LRRTM4: variants seen among roughly 807,000 people sequenced by gnomAD.
LRRTM4 encodes the protein leucine-rich repeat transmembrane neuronal protein 4.
Under a neutral mutation model 47.6 loss-of-function variants are expected in LRRTM4, and 25 were observed. That is an observed-to-expected ratio of 0.53 (90% CI 0.38 to 0.73). The LOEUF (loss-of-function observed/expected upper bound fraction) is 0.73, where lower values mean the gene tolerates loss of function less well. LRRTM4 is among the 30% of genes least tolerant of loss of function. LRRTM4 has a pLI of 0.00. For missense variants in LRRTM4, 638 were observed against 713.4 expected (o/e 0.89, Z 1.20); for synonymous variants, 311 against 269.5 (o/e 1.15, Z -1.51).
At position 77,421,366 on chromosome 2, in the gene LRRTM4, T is replaced by C. The variant is rs373365302; in HGVS notation, c.1551+96952A>G. Among the ~76,000 whole-genome samples, 22 of 152,270 alleles carry C rather than the reference T, an allele frequency of 1.4e-4. 2 individuals carry two copies. The highest frequency in any genetic ancestry group is 5.8e-4 in the East Asian group (3 of 5,164). On this transcript the variant is annotated intron_variant, in intron 3 of 3. Coordinates refer to ENST00000409884, the MANE Select transcript of LRRTM4 (RefSeq NM_001134745.3). The stretch of plus-strand genomic sequence containing the variant: ...CCAGGGTCATTGGCAATGTCTTAGA[T>C]ACCATTTTAGTTGTCACATCTAGGG...
At chr2:77,256,716 C>G (rs796513549) in intron 3 of LRRTM4, among the ~76,000 whole-genome samples, 1 of 152,138 alleles carries the variant, frequency 6.6e-6, no homozygotes, top group South Asian at 2.1e-4. Context: ...TTATAAATTA[C>G]TCAGTCAAAG....
At chr2:77,005,583 T>G (rs1263934252) in intron 3 of LRRTM4, among the ~76,000 whole-genome samples, 1 of 152,050 alleles carries the variant, frequency 6.6e-6, no homozygotes, top group Non-Finnish European at 1.5e-5. Context: ...CAGTGGGAGG[T>G]AATTGAATCA....
At chr2:76,947,650 T>C (rs372572688) in intron 3 of LRRTM4, among the ~76,000 whole-genome samples, 7 of 151,926 alleles carry the variant, frequency 4.6e-5, no homozygotes, top group South Asian at 2.1e-4. Context: ...TATACACCCA[T>C]GCATACAAGT....
chr2:76,796,125 A>C (rs150153528), intron 3 of LRRTM4, among the ~76,000 whole-genome samples: 2 of 136,270 alleles, frequency 1.5e-5, no homozygotes, highest in African/African-American at 2.7e-5. Context: ...AAAAAACGGC[A>C]CACCACAAGA....
chr2:76,910,841 T>C (rs17040489), intron 3 of LRRTM4, among the ~76,000 whole-genome samples: 8,827 of 152,294 alleles, frequency 0.058, 602 homozygotes, highest in African/African-American at 0.15. Flanking sequence ...ATTATGTCAT[T>C]AGAGCCTATC....
intron 3 of LRRTM4, among the ~76,000 whole-genome samples, chr2:76,918,039 G>T (rs1674313005): frequency 6.6e-6 from 1 of 152,170 alleles, no homozygotes; most frequent in Non-Finnish European, 1.5e-5. Context: ...AGGGAAAAGG[G>T]CTGAAGACAC....
chr2:76,987,885 CA>C (rs1292361271), intron 3 of LRRTM4, among the ~76,000 whole-genome samples: 1 of 151,316 alleles, frequency 6.6e-6, no homozygotes, highest in African/African-American at 2.4e-5. Flanking sequence ...CCCATATGCC[CA>C]AAAAAGAAAA....
At chr2:77,025,554 T>A (rs1362298097) in intron 3 of LRRTM4, among the ~76,000 whole-genome samples, 6 of 152,174 alleles carry the variant, frequency 3.9e-5, no homozygotes, top group Non-Finnish European at 8.8e-5. Context: ...TGATCTGTGT[T>A]CCTTCCCTTT....
At chr2:76,991,862 T>A (rs1399400177) in intron 3 of LRRTM4, among the ~76,000 whole-genome samples, 1 of 151,732 alleles carries the variant, frequency 6.6e-6, no homozygotes, top group East Asian at 1.9e-4. Flanking sequence ...ATATCCCTGA[T>A]GAACATAGAT....
intron 3 of LRRTM4, among the ~76,000 whole-genome samples, chr2:77,161,713 A>T (rs947989366): frequency 2.0e-5 from 3 of 152,060 alleles, no homozygotes; most frequent in Non-Finnish European, 2.9e-5. Flanking sequence ...CAACTGTGAA[A>T]TTTTTTGCAG....
chr2:77,004,972 C>T (rs1401087000), intron 3 of LRRTM4, among the ~76,000 whole-genome samples: 2 of 152,094 alleles, frequency 1.3e-5, no homozygotes, highest in African/African-American at 4.8e-5. Context: ...GTATATTTAC[C>T]AATGCCTGTA....
intron 3 of LRRTM4, among the ~76,000 whole-genome samples, chr2:77,363,076 G>T (rs973404912): frequency 6.6e-6 from 1 of 152,198 alleles, no homozygotes; most frequent in Non-Finnish European, 1.5e-5. Flanking sequence ...GATCAGTAAG[G>T]GTTAAGCAAC....
At chr2:76,926,887 C>A (rs1430234468) in intron 3 of LRRTM4, among the ~76,000 whole-genome samples, 1 of 152,026 alleles carries the variant, frequency 6.6e-6, no homozygotes, top group African/African-American at 2.4e-5. Context: ...ACTAAAGTTC[C>A]CTAAAACCTA....
intron 3 of LRRTM4, among the ~76,000 whole-genome samples, chr2:76,934,428 T>C (rs943673016): frequency 6.6e-6 from 1 of 152,154 alleles, no homozygotes; most frequent in Non-Finnish European, 1.5e-5. Flanking sequence ...AACTAAAATT[T>C]TGCAATTTAG....
chr2:77,105,812 T>C (rs1481869095), intron 3 of LRRTM4, among the ~76,000 whole-genome samples: 2 of 152,196 alleles, frequency 1.3e-5, no homozygotes. Flanking sequence ...TTTAAAATAA[T>C]GATACATGAG....
chr2:77,284,137 A>G (rs913688222), intron 3 of LRRTM4, among the ~76,000 whole-genome samples: 4 of 152,084 alleles, frequency 2.6e-5, no homozygotes, highest in Non-Finnish European at 5.9e-5. Flanking sequence ...TAACAAGTGA[A>G]GCTCACTCTG....
At chr2:76,783,851 C>T (rs1429459243) in intron 3 of LRRTM4, among the ~76,000 whole-genome samples, 1 of 152,096 alleles carries the variant, frequency 6.6e-6, no homozygotes, top group African/African-American at 2.4e-5. Flanking sequence ...TAATTCTGCA[C>T]ATTTCAGAGT....
intron 3 of LRRTM4, among the ~76,000 whole-genome samples, chr2:76,884,966 C>T (rs1414226200): frequency 6.6e-6 from 1 of 151,794 alleles, no homozygotes; most frequent in Admixed American, 6.6e-5. Flanking sequence ...AAAAAGCTTG[C>T]AATATGATGG....
intron 3 of LRRTM4, among the ~76,000 whole-genome samples, chr2:77,344,970 A>G (rs1318840926): frequency 1.3e-5 from 2 of 151,620 alleles, no homozygotes; most frequent in East Asian, 1.9e-4. Context: ...GAATAATTAT[A>G]TAAATAGATA....
Sources: gnomAD v4.1 joint callset for allele counts (sites outside exome capture counted in the v4.1 genomes callset) on GRCh38, gnomAD v4.1.1 for gene constraint, MANE v1.5 for transcripts, NCBI Gene and HGNC (gene_info 2026-07-23, HGNC 2026-07-21) for gene names.